NCKAP5: variants seen among roughly 807,000 people sequenced by gnomAD.
NCKAP5 encodes nck-associated protein 5.
NCKAP5 carries 92 observed loss-of-function variants against 167.0 expected under a neutral mutation model. The observed-to-expected ratio is 0.55, with a 90% CI of 0.47 to 0.66. NCKAP5 has a LOEUF of 0.66. Among genes scored for constraint, NCKAP5 ranks in the 30% least tolerant of loss-of-function variants. The pLI is 0.00. For synonymous variants in NCKAP5, 891 were observed against 877.4 expected, an observed-to-expected ratio of 1.02 and a Z score of -0.27; for missense variants, 2,378 against 2,315.0, an observed-to-expected ratio of 1.03 and a Z score of -0.56.
chr2:133,398,042 G>A (rs1355580569), intron 3 of NCKAP5, among the ~76,000 whole-genome samples: 1 of 152,096 alleles, frequency 6.6e-6, no homozygotes, highest in Admixed American at 6.5e-5. Flanking sequence ...GGTGGGTAGT[G>A]AATCTGCCAG....
chr2:133,187,216 G>A (rs1323096181), intron 5 of NCKAP5, among the ~76,000 whole-genome samples: 1 of 151,954 alleles, frequency 6.6e-6, no homozygotes, highest in Non-Finnish European at 1.5e-5. Context: ...TTTCACCCAA[G>A]AGTTATTCAG....
Position 132,717,832 on chromosome 2 carries a change from G to T in NCKAP5, c.5713+7795C>A, listed in dbSNP as rs1381005658. Among the ~76,000 whole-genome samples the T allele has an allele frequency of 1.3e-5, 2 of 152,180 alleles. 1 individual carries two copies. Among genetic ancestry groups the T allele is most frequent in the South Asian group, 4.1e-4 (2 of 4,834 alleles). On this transcript the variant is annotated intron_variant, in intron 19 of 19. Coordinates refer to ENST00000409261, the MANE Select transcript of NCKAP5 (RefSeq NM_207363.3). ...TCAGCTGAGTATCATCAAGCGGCTG[G>T]GGGACGCCAGTGCCAAAGCTTTGCA...
Position 133,045,052 on chromosome 2 carries a change from G to C in NCKAP5, c.342-50813C>G, listed in dbSNP as rs549364879. On this transcript the variant is annotated intron_variant, in intron 6 of 19. Transcript: ENST00000409261. ...CTGGGAAACAAAGCAAGGCTCTGTAGAAAGAAGAAAAAAAAAAGAAAGAAA... is the reference window on the plus strand; with the variant it reads ...CTGGGAAACAAAGCAAGGCTCTGTACAAAGAAGAAAAAAAAAAGAAAGAAA... 1.2e-4 allele frequency among the ~76,000 whole-genome samples: 16 copies of C among 132,746 alleles called. No individual in the cohort carries two copies. In the East Asian group the frequency reaches 3.4e-3, roughly 28 times the overall value. The allele number at this position is 132,746 out of a possible 152,430, so 87.1% of individuals were successfully genotyped here. A position where few individuals can be genotyped will look rare whatever the true frequency, so the allele number is the denominator to read the frequency against.
chr2:133,178,093 G>A (rs2084548836), intron 5 of NCKAP5, among the ~76,000 whole-genome samples: 1 of 152,190 alleles, frequency 6.6e-6, no homozygotes, highest in Non-Finnish European at 1.5e-5. Context: ...GGTATCAATG[G>A]AGGCTGATAA....
chr2:133,295,613 G>A (rs76650308), intron 4 of NCKAP5, among the ~76,000 whole-genome samples: 39 of 152,288 alleles, frequency 2.6e-4, no homozygotes, highest in African/African-American at 6.5e-4. Context: ...GAGAGGGGAC[G>A]ACTTTGTCCC....
At chr2:133,321,877 T>C (rs1397308002) in intron 3 of NCKAP5, among the ~76,000 whole-genome samples, 1 of 152,198 alleles carries the variant, frequency 6.6e-6, no homozygotes, top group African/African-American at 2.4e-5. Context: ...GATGAACTCT[T>C]AATTCCAAAA....
At chr2:133,441,079 TACAGACACACACACTCACAC>T (rs1468489038) in intron 3 of NCKAP5, among the ~76,000 whole-genome samples, 1 of 96,790 alleles carries the variant, frequency 1.0e-5, no homozygotes, top group Non-Finnish European at 1.9e-5. Flanking sequence ...TCTCACACCC[TACAGACACACACACTCACAC>T]ACACACACAC....
intron 19 of NCKAP5, among the ~76,000 whole-genome samples, chr2:132,711,152 A>G (rs973565332): frequency 3.9e-5 from 6 of 152,204 alleles, no homozygotes; most frequent in Admixed American, 6.5e-5. Flanking sequence ...ACAATAGTAA[A>G]TATGAGGGTG....
chr2:133,657,351 A>G, the NCKAP5 span, among the ~76,000 whole-genome samples: 10 of 152,266 alleles, frequency 6.6e-5, no homozygotes, highest in East Asian at 1.9e-3. Flanking sequence ...AACCATTGAA[A>G]CTCGTTTAAC....
At chr2:133,312,589 C>G (rs554416021) in intron 3 of NCKAP5, among the ~76,000 whole-genome samples, 2 of 152,308 alleles carry the variant, frequency 1.3e-5, no homozygotes, top group African/African-American at 4.8e-5. Context: ...CTTCCCCTGG[C>G]CAGAAACGGT....
intron 3 of NCKAP5, among the ~76,000 whole-genome samples, chr2:133,451,748 T>C (rs945396601): frequency 4.6e-5 from 7 of 152,302 alleles, no homozygotes; most frequent in African/African-American, 1.4e-4. Flanking sequence ...TCAGAAAGCC[T>C]GGCATGAAAG....
intron 4 of NCKAP5, among the ~76,000 whole-genome samples, chr2:133,294,254 G>A (rs1679801745): frequency 6.6e-6 from 1 of 152,166 alleles, no homozygotes; most frequent in African/African-American, 2.4e-5. Context: ...CCCAGTGGAG[G>A]TCTATGATTA....
intron 6 of NCKAP5, among the ~76,000 whole-genome samples, chr2:133,042,132 A>T (rs907446755): frequency 6.6e-6 from 1 of 152,172 alleles, no homozygotes; most frequent in Non-Finnish European, 1.5e-5. Flanking sequence ...TTATAATAGA[A>T]GACAAGTTTT....
chr2:132,776,304 C>T (rs894850752), intron 15 of NCKAP5, among the ~76,000 whole-genome samples: 4 of 152,176 alleles, frequency 2.6e-5, no homozygotes, highest in Non-Finnish European at 5.9e-5. Context: ...CTTCCCTTCC[C>T]TACTGTTCCT....
chr2:133,070,124 T>C (rs1559109039), intron 6 of NCKAP5, among the ~76,000 whole-genome samples: 1 of 152,136 alleles, frequency 6.6e-6, no homozygotes. Flanking sequence ...TGTCAATGAG[T>C]AGGAAAAATG....
chr2:133,062,954 A>G (rs939763513), intron 6 of NCKAP5, among the ~76,000 whole-genome samples: 1 of 152,228 alleles, frequency 6.6e-6, no homozygotes, highest in Non-Finnish European at 1.5e-5. Flanking sequence ...TAAGGATGTG[A>G]ATGTATTAGG....
At chr2:133,511,897 G>C (rs1449309347) in intron 3 of NCKAP5, among the ~76,000 whole-genome samples, 1 of 152,128 alleles carries the variant, frequency 6.6e-6, no homozygotes, top group East Asian at 1.9e-4. Flanking sequence ...AGGGGCACAG[G>C]GCAAACGGTA....
chr2:133,298,034 A>C (rs1216737572), intron 4 of NCKAP5, among the ~76,000 whole-genome samples: 3 of 152,238 alleles, frequency 2.0e-5, no homozygotes, highest in Non-Finnish European at 4.4e-5. Context: ...GCACTTAAAA[A>C]TTTAATCATA....
intron 5 of NCKAP5, among the ~76,000 whole-genome samples, chr2:133,207,029 C>T (rs545812960): frequency 6.6e-6 from 1 of 152,278 alleles, no homozygotes; most frequent in East Asian, 1.9e-4. Flanking sequence ...AATGCATGCA[C>T]AGCAGGACAT....
Sources: allele counts gnomAD v4.1 joint callset (sites outside exome capture counted in the v4.1 genomes callset), GRCh38; gene constraint gnomAD v4.1.1; transcripts MANE v1.5; gene names NCBI Gene and HGNC (gene_info 2026-07-23, HGNC 2026-07-21).